Variants in RAB33B observed in about 807,000 individuals in gnomAD.
RAB33B encodes the protein ras-related protein Rab-33B.
In RAB33B, 6 loss-of-function variants were observed where a neutral mutation model predicts 15.0. The ratio of observed to expected loss-of-function variants is 0.40; its 90% CI spans 0.22 to 0.79. The LOEUF (loss-of-function observed/expected upper bound fraction) is 0.79, where lower values mean the gene tolerates loss of function less well. RAB33B is among the 30% of genes least tolerant of loss of function. The probability of loss-of-function intolerance (pLI) is 0.37; values close to 1 mark genes in which losing one functional copy is unlikely to be tolerated. For synonymous variants in RAB33B, 117 were observed against 108.3 expected (o/e 1.08, Z -0.50); for missense variants, 257 against 296.4 (o/e 0.87, Z 0.98).
the RAB33B span, among the ~76,000 whole-genome samples, chr4:139,439,449 T>A: frequency 6.6e-6 from 1 of 152,256 alleles, no homozygotes; most frequent in South Asian, 2.1e-4. Flanking sequence ...TCATTTCTCT[T>A]TTGCTGCTTT....
chr4:139,444,896 G>A, the RAB33B span, among the ~76,000 whole-genome samples: 1 of 152,158 alleles, frequency 6.6e-6, no homozygotes, highest in Non-Finnish European at 1.5e-5. Flanking sequence ...CCTCTACCTA[G>A]AAAAATAGTA....
At chr4:139,467,764 A>G (rs936560387) in intron 1 of RAB33B, among the ~76,000 whole-genome samples, 1 of 151,878 alleles carries the variant, frequency 6.6e-6, no homozygotes, top group Non-Finnish European at 1.5e-5. Context: ...TGGCTGAGGC[A>G]GGAGGATTCC....
Position 139,474,622 on chromosome 4 carries a change from CCCT to C in RAB33B, c.*1501_*1503del, listed in dbSNP as rs1379637644. 6.5e-6 allele frequency: 1 copy of C among 152,688 alleles called. No individual in the cohort carries two copies. The highest frequency in any genetic ancestry group is 2.1e-4 in the South Asian group (1 of 4,824). The allele number at this position is 152,688 out of a possible 1,614,324, so 9.5% of individuals were successfully genotyped here. On this transcript the variant is annotated 3_prime_UTR_variant, in exon 2 of 2. Coordinates refer to ENST00000305626, the MANE Select transcript of RAB33B (RefSeq NM_031296.3). The stretch of plus-strand genomic sequence containing the variant: ...TCTAAATTTTATGGTCACAAGTTAT[CCCT>C]CCTCAGTATGAAAAATAAATTAGAT...
chr4:139,468,399 C>T (rs1750330956), intron 1 of RAB33B, among the ~76,000 whole-genome samples: 1 of 152,142 alleles, frequency 6.6e-6, no homozygotes, highest in East Asian at 1.9e-4. Context: ...AACAAGTTAA[C>T]ACTCTTTTTA....
At chr4:139,462,348 C>T (rs1480627469) in intron 1 of RAB33B, among the ~76,000 whole-genome samples, 7 of 152,024 alleles carry the variant, frequency 4.6e-5, no homozygotes, top group Admixed American at 1.3e-4. Flanking sequence ...CCACCGCGCC[C>T]GGCCATGACA....
the RAB33B span, among the ~76,000 whole-genome samples, chr4:139,448,096 T>C: frequency 6.6e-6 from 1 of 152,180 alleles, no homozygotes; most frequent in East Asian, 1.9e-4. Flanking sequence ...ATGCATGGAA[T>C]ACAGAGATCT....
chr4:139,447,822 A>G, the RAB33B span, among the ~76,000 whole-genome samples: 1 of 151,232 alleles, frequency 6.6e-6, no homozygotes. Flanking sequence ...GCCCGCCACT[A>G]CGCCCGGCTA....
At chr4:139,445,801 G>A in the RAB33B span, among the ~76,000 whole-genome samples, 1 of 152,158 alleles carries the variant, frequency 6.6e-6, no homozygotes, top group Admixed American at 6.5e-5. Flanking sequence ...AGGTGTCAGT[G>A]ACACCTCAAG....
the RAB33B span, among the ~76,000 whole-genome samples, chr4:139,447,949 G>A: frequency 1.3e-5 from 2 of 151,706 alleles, no homozygotes; most frequent in Non-Finnish European, 2.9e-5. Context: ...TTACAGGTGT[G>A]AGCCACCGCG....
Position 139,462,725 on chromosome 4 carries a change from T to C in RAB33B, c.249+8281T>C, listed in dbSNP as rs115934610. On this transcript the variant is annotated intron_variant, in intron 1 of 1. Transcript: ENST00000305626. ...TGAAATAAATTTTAGCTTTCTGGAG[T>C]CTCTCTCAACCTCTACTGATTCTGA... 8.7e-3 allele frequency among the ~76,000 whole-genome samples: 1,332 copies of C among 152,278 alleles called. 15 individuals are homozygous for C. The highest frequency in any genetic ancestry group is 0.031 in the African/African-American group (1,271 of 41,554).
At chr4:139,455,463 A>C (rs533136949) in intron 1 of RAB33B, among the ~76,000 whole-genome samples, 27 of 152,166 alleles carry the variant, frequency 1.8e-4, no homozygotes, top group Admixed American at 3.3e-4. Context: ...CTTAGAGGCA[A>C]GAACAATTTA....
intron 1 of RAB33B, among the ~76,000 whole-genome samples, chr4:139,465,719 C>CT (rs1251162971): frequency 1.5e-5 from 2 of 134,232 alleles, no homozygotes; most frequent in African/African-American, 6.3e-5. Context: ...ACTTCTTCTT[C>CT]TTCTTTTTTT....
intron 1 of RAB33B, among the ~76,000 whole-genome samples, chr4:139,466,106 A>C (rs1750279393): frequency 1.3e-5 from 2 of 152,206 alleles, no homozygotes; most frequent in Admixed American, 1.3e-4. Flanking sequence ...CAGGCTCCCT[A>C]AGTGCTGGGA....
intron 1 of RAB33B, among the ~76,000 whole-genome samples, chr4:139,468,220 T>TC (rs1315432232): frequency 1.3e-5 from 2 of 151,978 alleles, no homozygotes; most frequent in Non-Finnish European, 2.9e-5. Flanking sequence ...GCAGGGAAAC[T>TC]CCCCCTTTTA....
the RAB33B span, among the ~76,000 whole-genome samples, chr4:139,438,496 A>G: frequency 6.6e-6 from 1 of 152,198 alleles, no homozygotes. Context: ...GGCATGTACT[A>G]TAAGCACTGA....
the RAB33B span, among the ~76,000 whole-genome samples, chr4:139,443,234 C>T: frequency 6.6e-6 from 1 of 152,076 alleles, no homozygotes; most frequent in South Asian, 2.1e-4. Context: ...CCTTGTGATC[C>T]GCCTGCCTCG....
chr4:139,467,858 A>G (rs1750319113), intron 1 of RAB33B, among the ~76,000 whole-genome samples: 2 of 87,556 alleles, frequency 2.3e-5, no homozygotes, highest in African/African-American at 7.0e-5. Flanking sequence ...GTCCTGTCTC[A>G]AAAAAAAAAA....
upstream of RAB33B, chr4:139,448,380 T>C (rs1212925672): frequency 6.6e-6 from 1 of 152,210 alleles, no homozygotes; most frequent in Non-Finnish European, 1.5e-5. Flanking sequence ...TTTCCTCCTT[T>C]TGTTAAAAAC....
At chr4:139,454,009 G>C, upstream of RAB33B, 3 of 580,786 alleles carry the variant, frequency 5.2e-6, no homozygotes, top group Non-Finnish European at 8.2e-6. Flanking sequence ...GGGCGGGCGG[G>C]TGCCACACCT....
Sources: gnomAD v4.1 joint callset for allele counts (sites outside exome capture counted in the v4.1 genomes callset) on GRCh38, gnomAD v4.1.1 for gene constraint, MANE v1.5 for transcripts, NCBI Gene and HGNC (gene_info 2026-07-23, HGNC 2026-07-21) for gene names.